Variants in TLE4 observed in about 807,000 individuals in gnomAD.
TLE4 encodes TLE family member 4, transcriptional corepressor.
In TLE4, 8 loss-of-function variants were observed where a neutral mutation model predicts 92.8. That is an observed-to-expected ratio of 0.09 (90% CI 0.05 to 0.16). TLE4 has a LOEUF of 0.16. TLE4 is among the 10% of genes least tolerant of loss of function. The pLI is 1.00. For synonymous variants in TLE4, 371 were observed against 374.1 expected (o/e 0.99, Z 0.10); for missense variants, 675 against 997.6 (o/e 0.68, Z 4.36).
chr9:79,682,497 C>T (rs1245957664), intron 8 of TLE4, among the ~76,000 whole-genome samples: 1 of 152,140 alleles, frequency 6.6e-6, no homozygotes, highest in Non-Finnish European at 1.5e-5. Flanking sequence ...GGTCAAAAAC[C>T]TTGTCCTTTT....
At chr9:79,574,829 T>G (rs2037203156) in intron 2 of TLE4, 44 bp from the exon 3 acceptor site, 2 of 1,526,418 alleles carry the variant, frequency 1.3e-6, no homozygotes, top group Admixed American at 3.4e-5. Flanking sequence ...TTGAAGGATG[T>G]AAGTTAAGAT....
chr9:79,605,423 T>G (rs532710525), intron 4 of TLE4, among the ~76,000 whole-genome samples: 123 of 152,190 alleles, frequency 8.1e-4, no homozygotes, highest in African/African-American at 2.6e-3. Context: ...CCTTGATAAT[T>G]TATCTCTCTC....
chr9:79,614,674 G>A (rs1218115875), intron 5 of TLE4, among the ~76,000 whole-genome samples: 1 of 152,114 alleles, frequency 6.6e-6, no homozygotes, highest in Non-Finnish European at 1.5e-5. Context: ...CTTGACTCAC[G>A]TATAATGATT....
intron 8 of TLE4, among the ~76,000 whole-genome samples, chr9:79,679,070 C>T (rs13284406): frequency 0.52 from 78,556 of 150,118 alleles, 23,109 homozygotes; most frequent in East Asian, 0.7. Context: ...TGAATAGTGC[C>T]GCAGTAAACA....
chr9:79,674,927 A>C (rs1401204608), intron 8 of TLE4, among the ~76,000 whole-genome samples: 2 of 152,200 alleles, frequency 1.3e-5, no homozygotes, highest in Non-Finnish European at 2.9e-5. Flanking sequence ...TTGTAGCCTC[A>C]TCAGTTTGCT....
intron 14 of TLE4, among the ~76,000 whole-genome samples, chr9:79,711,982 G>A (rs2073411270): frequency 6.6e-6 from 1 of 152,190 alleles, no homozygotes; most frequent in Non-Finnish European, 1.5e-5. Context: ...GACTCTGCCA[G>A]TTGAACCACT....
chr9:79,576,328 T>C, intron 4 of TLE4, 151 bp downstream of exon 4: 1 of 424,198 alleles, frequency 2.4e-6, no homozygotes, highest in South Asian at 8.7e-5. Context: ...TTTTTTCATG[T>C]GTGGCTCCCC....
chr9:79,718,022 G>A (rs1012168436), intron 14 of TLE4: 1 of 456,500 alleles, frequency 2.2e-6, no homozygotes, highest in African/African-American at 2.0e-5. Flanking sequence ...CCACCTGAGG[G>A]CTTTCCCTGG....
rs201147954 is a variant in TLE4, at chr9:79,654,042, T to C, written c.593-17T>C. On this transcript the variant is annotated splice_polypyrimidine_tract_variant and intron_variant, in intron 7 of 19. Transcript: ENST00000376552. ...CCACCACTTTATCTGCTTGTGTTGC[T>C]GCTGTTTTGCATATAGACAGAGACT... 168 of 1,613,662 alleles carry C rather than the reference T, an allele frequency of 1.0e-4. 2 individuals carry two copies. Among genetic ancestry groups the C allele is most frequent in the Middle Eastern group, 1.6e-4 (1 of 6,078 alleles).
chr9:79,706,003 C>A, intron 10 of TLE4, 61 bp downstream of exon 10: 1 of 1,446,814 alleles, frequency 6.9e-7, no homozygotes, highest in Non-Finnish European at 9.7e-7. Context: ...ACTAGTTGCC[C>A]AAACAATTAG....
intron 6 of TLE4, among the ~76,000 whole-genome samples, chr9:79,635,573 G>GTT (rs71504957): frequency 5.1e-5 from 7 of 136,066 alleles, no homozygotes; most frequent in African/African-American, 1.1e-4. Flanking sequence ...TTAAGTTGAG[G>GTT]TTTTTTTTTT....
chr9:79,572,723 C>T lies in TLE4; in HGVS notation c.-68C>T, dbSNP rs1003710795. On this transcript the variant is annotated 5_prime_UTR_variant, in exon 1 of 20. Coordinates refer to ENST00000376552, the MANE Select transcript of TLE4 (RefSeq NM_007005.6). ...CCGCCTCCGCTGCCGCGGCCGCCTCCTCTTCGGGGTCATTAAAGCCAATGA... is the reference window on the plus strand; with the variant it reads ...CCGCCTCCGCTGCCGCGGCCGCCTCTTCTTCGGGGTCATTAAAGCCAATGA... The T allele has an allele frequency of 1.9e-5, 30 of 1,544,020 alleles. No homozygotes were observed. Among genetic ancestry groups the T allele is most frequent in the Middle Eastern group, 1.7e-4 (1 of 5,908 alleles).
chr9:79,718,399 G>A (rs989456925), intron 14 of TLE4, among the ~76,000 whole-genome samples: 3 of 152,140 alleles, frequency 2.0e-5, no homozygotes, highest in Admixed American at 2.0e-4. Flanking sequence ...TGCACTTGAC[G>A]GTGGTTATCT....
At chr9:79,706,067 C>A in intron 10 of TLE4, 125 bp downstream of exon 10, 3 of 959,792 alleles carry the variant, frequency 3.1e-6, no homozygotes, top group Non-Finnish European at 5.1e-6. Context: ...TTTTTTGAGG[C>A]AGGGTCTTGT....
rs1324430318 is a variant in TLE4 at position 79,612,733 on chromosome 9, T to A, written c.315+15T>A. 1 of 1,612,046 alleles carries A rather than the reference T, an allele frequency of 6.2e-7. No individual in the cohort carries two copies. Among genetic ancestry groups the A allele is most frequent in the South Asian group, 1.1e-5 (1 of 91,042 alleles). On this transcript the variant is annotated intron_variant, in intron 5 of 19. Transcript: ENST00000376552. ...TGTCCCAAGAGGTAAGGTAGTTGATTTTAGGCACTGGACTAGAAGTTGCCA... is the reference window on the plus strand; with the variant it reads ...TGTCCCAAGAGGTAAGGTAGTTGATATTAGGCACTGGACTAGAAGTTGCCA...
chr9:79,644,947 G>A (rs1472515675), intron 6 of TLE4, among the ~76,000 whole-genome samples: 1 of 152,304 alleles, frequency 6.6e-6, no homozygotes, highest in South Asian at 2.1e-4. Context: ...TTAGGAGCTG[G>A]CACTGGCCTG....
intron 8 of TLE4, among the ~76,000 whole-genome samples, chr9:79,698,986 G>A (rs562177183): frequency 6.6e-6 from 1 of 151,866 alleles, no homozygotes; most frequent in South Asian, 2.1e-4. Flanking sequence ...AACATTTTGT[G>A]TAATTCTGTA....
chr9:79,716,830 C>T (rs1212391849), intron 14 of TLE4, among the ~76,000 whole-genome samples: 2 of 152,244 alleles, frequency 1.3e-5, no homozygotes. Flanking sequence ...ATGAATGTGC[C>T]CCTCAGGCTG....
intron 6 of TLE4, among the ~76,000 whole-genome samples, chr9:79,651,525 C>CTCAAA (rs2058990859): frequency 6.6e-6 from 1 of 152,160 alleles, no homozygotes; most frequent in Non-Finnish European, 1.5e-5. Context: ...CACAGTCCCA[C>CTCAAA]TCAAATAAAC....
Sources: allele counts gnomAD v4.1 joint callset (sites outside exome capture counted in the v4.1 genomes callset), GRCh38; gene constraint gnomAD v4.1.1; transcripts MANE v1.5; gene names NCBI Gene and HGNC (gene_info 2026-07-23, HGNC 2026-07-21).